UGT1A8: variants seen among roughly 807,000 people sequenced by gnomAD.
UGT1A8 encodes UDP glucuronosyltransferase family 1 member A8, also known as UDP-glucuronosyltransferase 1A8.
A neutral mutation model predicts 45.3 loss-of-function variants in UGT1A8; 39 were observed. The observed-to-expected ratio is 0.86, with a 90% CI of 0.67 to 1.12. The LOEUF (loss-of-function observed/expected upper bound fraction) is 1.12, where lower values mean the gene tolerates loss of function less well. Ranked by LOEUF, UGT1A8 falls within the 50% of genes most tolerant of loss-of-function variation. The pLI, the probability that UGT1A8 is intolerant of heterozygous loss-of-function variation, is 0.00. For synonymous variants in UGT1A8, 275 were observed against 249.2 expected, an observed-to-expected ratio of 1.10 and a Z score of -0.97; for missense variants, 719 against 664.9, an observed-to-expected ratio of 1.08 and a Z score of -0.90.
At chr2:233,626,138 T>C (rs1222538096) in intron 1 of UGT1A8, among the ~76,000 whole-genome samples, 2 of 151,994 alleles carry the variant, frequency 1.3e-5, no homozygotes, top group Non-Finnish European at 2.9e-5. Context: ...TCATAATTAC[T>C]GTCTGTTTTT....
intron 1 of UGT1A8, among the ~76,000 whole-genome samples, chr2:233,661,631 C>CTTTCTTTCTTTCTTTCT (rs1559329396): frequency 3.3e-5 from 4 of 122,326 alleles, no homozygotes; most frequent in Non-Finnish European, 7.3e-5. Context: ...AATTTTCTTT[C>CTTTCTTTCTTTCTTTCT]TTTCTTTCTT....
intron 1 of UGT1A8, among the ~76,000 whole-genome samples, chr2:233,659,153 C>G (rs185504862): frequency 2.6e-5 from 4 of 152,254 alleles, no homozygotes; most frequent in Non-Finnish European, 1.5e-5. Context: ...AGATTTATCC[C>G]TAAGTATTTC....
intron 1 of UGT1A8, chr2:233,636,513 C>A: frequency 6.2e-7 from 1 of 1,607,350 alleles, no homozygotes; most frequent in Admixed American, 1.7e-5. Flanking sequence ...GCTCGGGCTG[C>A]AGTTCTCTCA....
intron 1 of UGT1A8, among the ~76,000 whole-genome samples, chr2:233,660,228 G>A (rs2073937159): frequency 6.6e-6 from 1 of 152,156 alleles, no homozygotes; most frequent in African/African-American, 2.4e-5. Context: ...AGATTTTCAT[G>A]ATGTTCGCCC....
chr2:233,709,990 G>T (rs1439015971), intron 1 of UGT1A8, among the ~76,000 whole-genome samples: 1 of 152,156 alleles, frequency 6.6e-6, no homozygotes, highest in Admixed American at 6.5e-5. Context: ...CATCTGAATG[G>T]AATCATACAA....
At chr2:233,681,973 A>C (rs768736320) in intron 1 of UGT1A8, 2 of 1,614,064 alleles carry the variant, frequency 1.2e-6, no homozygotes, top group Non-Finnish European at 1.7e-6. Flanking sequence ...TCCTTCCCCT[A>C]TATGTGTGTC....
chr2:233,712,373 T>C (rs1400109853), intron 1 of UGT1A8, among the ~76,000 whole-genome samples: 1 of 152,218 alleles, frequency 6.6e-6, no homozygotes, highest in Non-Finnish European at 1.5e-5. Flanking sequence ...GCAGCTTTTT[T>C]TATATTGACA....
intron 1 of UGT1A8, chr2:233,729,848 G>C: frequency 6.2e-7 from 1 of 1,613,874 alleles, no homozygotes; most frequent in Non-Finnish European, 8.5e-7. Context: ...CTTTTTCAGA[G>C]AGAGGTGTCA....
chr2:233,681,892 T>A lies in UGT1A8; in HGVS notation c.855+63330T>A, dbSNP rs376801837. 7.6e-6 allele frequency: 12 copies of A among 1,586,876 alleles called. No individual in the cohort carries two copies. In the Admixed American group the frequency reaches 2.1e-4, roughly 28 times the overall value. ...TGTACTTCTTCCACTTACTATATTATAGGAGCTTAGAATCCCAGCTGCTGG... is the reference window on the plus strand; with the variant it reads ...TGTACTTCTTCCACTTACTATATTAAAGGAGCTTAGAATCCCAGCTGCTGG... On this transcript the variant is annotated intron_variant, in intron 1 of 4. Coordinates refer to ENST00000373450, the MANE Select transcript of UGT1A8 (RefSeq NM_019076.5).
At chr2:233,665,791 A>G (rs2074064993) in intron 1 of UGT1A8, among the ~76,000 whole-genome samples, 1 of 152,184 alleles carries the variant, frequency 6.6e-6, no homozygotes, top group Non-Finnish European at 1.5e-5. Context: ...ATTCTTATGG[A>G]TAAATACCCA....
chr2:233,636,987 A>T, intron 1 of UGT1A8: 3 of 1,614,056 alleles, frequency 1.9e-6, no homozygotes, highest in Non-Finnish European at 2.5e-6. Flanking sequence ...CCTGTGGCTT[A>T]ATTGTTGCTA....
chr2:233,718,954 G>A (rs766332804), intron 1 of UGT1A8: 15 of 1,614,094 alleles, frequency 9.3e-6, no homozygotes, highest in East Asian at 6.7e-5. Context: ...CTCAGCATGC[G>A]GGAGGCCTTG....
At chr2:233,721,339 A>G (rs1028958068) in intron 1 of UGT1A8, among the ~76,000 whole-genome samples, 3 of 152,110 alleles carry the variant, frequency 2.0e-5, no homozygotes, top group African/African-American at 7.2e-5. Context: ...TTCACTATGA[A>G]TATATTCTTT....
At chr2:233,643,183 A>G (rs550294164) in intron 1 of UGT1A8, among the ~76,000 whole-genome samples, 32 of 152,318 alleles carry the variant, frequency 2.1e-4, no homozygotes, top group Non-Finnish European at 4.6e-4. Context: ...AGTGCCATCT[A>G]GGAGTCAGGG....
Position 233,664,739 on chromosome 2 carries a change from C to T in UGT1A8, c.855+46177C>T, listed in dbSNP as rs1048718213. On this transcript the variant is annotated intron_variant, in intron 1 of 4. Transcript: ENST00000373450. ...AAACACCTCCCACCAGGCCCCACCT[C>T]CAACATTGGGTATCATATTTCAACA... Among the ~76,000 whole-genome samples, 5 of 152,188 alleles carry T rather than the reference C, an allele frequency of 3.3e-5. No homozygotes were observed. In the East Asian group the frequency reaches 5.8e-4, roughly 18 times the overall value.
At chr2:233,691,488 G>A in intron 1 of UGT1A8, 1 of 985,788 alleles carries the variant, frequency 1.0e-6, no homozygotes, top group Non-Finnish European at 1.2e-6. Context: ...ACTTGTGGGT[G>A]GGAACAGGAA....
chr2:233,643,438 C>G (rs2073512208), intron 1 of UGT1A8, among the ~76,000 whole-genome samples: 1 of 152,060 alleles, frequency 6.6e-6, no homozygotes. Context: ...GAGACTTGCC[C>G]TTCAAGGCAG....
At chr2:233,739,640 A>G (rs1691162430) in intron 1 of UGT1A8, among the ~76,000 whole-genome samples, 1 of 152,122 alleles carries the variant, frequency 6.6e-6, no homozygotes, top group African/African-American at 2.4e-5. Context: ...GGGAACATTT[A>G]CCCAATTTCT....
intron 1 of UGT1A8, among the ~76,000 whole-genome samples, chr2:233,741,256 C>A (rs1347287188): frequency 6.6e-6 from 1 of 151,868 alleles, no homozygotes; most frequent in African/African-American, 2.4e-5. Flanking sequence ...GTATGCCACT[C>A]TTTGCTGACC....
Sources: allele counts gnomAD v4.1 joint callset (sites outside exome capture counted in the v4.1 genomes callset), GRCh38; gene constraint gnomAD v4.1.1; transcripts MANE v1.5; gene names NCBI Gene and HGNC (gene_info 2026-07-23, HGNC 2026-07-21).